NREP: variants seen among roughly 807,000 people sequenced by gnomAD.
NREP encodes the protein neuronal regeneration-related protein.
A neutral mutation model predicts 8.6 loss-of-function variants in NREP; 5 were observed. That is an observed-to-expected ratio of 0.58 (90% CI 0.30 to 1.22). NREP has a LOEUF of 1.22. NREP is among the 50% of genes most tolerant of loss of function. The probability of loss-of-function intolerance (pLI) is 0.07; values close to 1 mark genes in which losing one functional copy is unlikely to be tolerated. For missense variants in NREP, 86 were observed against 82.5 expected (o/e 1.04, Z -0.17); for synonymous variants, 27 against 28.0 (o/e 0.96, Z 0.11).
chr5:111,968,095 A>C (rs2112665340), intron 2 of NREP, among the ~76,000 whole-genome samples: 1 of 152,250 alleles, frequency 6.6e-6, no homozygotes, highest in Non-Finnish European at 1.5e-5. Context: ...TCAAGCAAAA[A>C]CATTTCAATT....
At chr5:111,922,138 T>A (rs1384187370) in intron 2 of NREP, among the ~76,000 whole-genome samples, 2 of 152,144 alleles carry the variant, frequency 1.3e-5, no homozygotes, top group Non-Finnish European at 2.9e-5. Context: ...GTATTTCTTA[T>A]CCATAGTAGG....
chr5:111,748,331 A>G (rs1750136063), intron 2 of NREP, among the ~76,000 whole-genome samples: 1 of 152,156 alleles, frequency 6.6e-6, no homozygotes, highest in Non-Finnish European at 1.5e-5. Flanking sequence ...GTGCCTGTTC[A>G]TTTCATTTCC....
At chr5:111,812,228 G>A (rs559849270) in intron 2 of NREP, among the ~76,000 whole-genome samples, 3 of 152,124 alleles carry the variant, frequency 2.0e-5, no homozygotes, top group South Asian at 2.1e-4. Context: ...TGGAGGTTGC[G>A]GTGAGGGGAG....
chr5:111,891,421 T>C (rs982555724), intron 2 of NREP, among the ~76,000 whole-genome samples: 5 of 152,178 alleles, frequency 3.3e-5, no homozygotes, highest in African/African-American at 1.2e-4. Flanking sequence ...CTGCCTGTCT[T>C]CTTCTGAGTC....
intron 2 of NREP, among the ~76,000 whole-genome samples, chr5:111,852,030 CT>C (rs1753322574): frequency 6.6e-6 from 1 of 152,066 alleles, no homozygotes; most frequent in African/African-American, 2.4e-5. Flanking sequence ...GAGGCGGTGC[CT>C]TTGGGGAAGT....
chr5:111,865,894 C>G (rs1023728649), intron 2 of NREP, among the ~76,000 whole-genome samples: 2 of 152,142 alleles, frequency 1.3e-5, no homozygotes, highest in Non-Finnish European at 2.9e-5. Flanking sequence ...TTGGAGAAGA[C>G]TATAAATATA....
At position 111,968,885 on chromosome 5, in the gene NREP, G is replaced by A. The variant is rs559624282; in HGVS notation, c.135+6389C>T. The stretch of plus-strand genomic sequence containing the variant: ...ATAACCCCTCAGCATGGTTTTCAAG[G>A]CCCTTCACAACCTGCTCATCACCAC... On this transcript the variant is annotated intron_variant, in intron 2 of 3. Transcript: ENST00000395634. 2.0e-5 allele frequency among the ~76,000 whole-genome samples: 3 copies of A among 152,258 alleles called. No individual in the cohort carries two copies. In the East Asian group the frequency reaches 5.8e-4, roughly 29 times the overall value.
At chr5:111,873,255 A>G (rs1233336740) in intron 2 of NREP, among the ~76,000 whole-genome samples, 1 of 152,218 alleles carries the variant, frequency 6.6e-6, no homozygotes, top group Non-Finnish European at 1.5e-5. Context: ...ATCAGAAAGG[A>G]CACAGAGAAG....
chr5:111,826,273 G>T (rs972786236), intron 2 of NREP, among the ~76,000 whole-genome samples: 9 of 152,174 alleles, frequency 5.9e-5, no homozygotes, highest in Non-Finnish European at 1.2e-4. Context: ...TCTGTATAAT[G>T]GACCAATCAG....
chr5:111,929,251 GATATGA>G (rs1471561256), intron 2 of NREP, among the ~76,000 whole-genome samples: 1 of 152,164 alleles, frequency 6.6e-6, no homozygotes, highest in Non-Finnish European at 1.5e-5. Flanking sequence ...ATTGTGATAT[GATATGA>G]ATATTTTATA....
At position 111,888,339 on chromosome 5, in the gene NREP, TG is replaced by T. The variant is rs1554105346; in HGVS notation, c.135+86934del. On this transcript the variant is annotated intron_variant, in intron 2 of 3. Coordinates refer to the NREP transcript ENST00000395634. ...TGACTCACAGTTCCCCATTGCTGGG[TG>T]GCGGGGGGGGTCTCAGGAAACTTAC... Among the ~76,000 whole-genome samples, 683 of 144,806 alleles carry T rather than the reference TG, an allele frequency of 4.7e-3. 6 individuals carry two copies. Among genetic ancestry groups the T allele is most frequent in the Non-Finnish European group, 6.6e-3 (441 of 66,406 alleles). The allele number at this position is 144,806 out of a possible 152,430, so 95.0% of individuals were successfully genotyped here. A position where few individuals can be genotyped will look rare whatever the true frequency, so the allele number is the denominator to read the frequency against.
intron 2 of NREP, among the ~76,000 whole-genome samples, chr5:111,807,310 T>C (rs1752165272): frequency 6.6e-6 from 1 of 152,102 alleles, no homozygotes; most frequent in Non-Finnish European, 1.5e-5. Context: ...TCAAGTCCCA[T>C]CAGGTTATTC....
intron 2 of NREP, among the ~76,000 whole-genome samples, chr5:111,898,282 G>C (rs1420044185): frequency 6.6e-6 from 1 of 152,098 alleles, no homozygotes; most frequent in East Asian, 1.9e-4. Context: ...AGATGAATTG[G>C]AGCAGGATGG....
At chr5:111,900,651 A>G (rs1038804651) in intron 2 of NREP, among the ~76,000 whole-genome samples, 4 of 152,070 alleles carry the variant, frequency 2.6e-5, no homozygotes, top group African/African-American at 9.7e-5. Context: ...TAACAAACTG[A>G]AAAACCTAGA....
chr5:111,881,366 T>A (rs1261721679), intron 2 of NREP, among the ~76,000 whole-genome samples: 1 of 152,188 alleles, frequency 6.6e-6, no homozygotes, highest in Non-Finnish European at 1.5e-5. Context: ...CAAGGAGGCC[T>A]CCCTGCCTCT....
At chr5:111,776,111 T>C (rs890308154) in intron 2 of NREP, among the ~76,000 whole-genome samples, 5 of 152,178 alleles carry the variant, frequency 3.3e-5, no homozygotes, top group African/African-American at 1.2e-4. Flanking sequence ...TATGTACCAG[T>C]TGAAACACTT....
intron 2 of NREP, among the ~76,000 whole-genome samples, chr5:111,790,566 C>T (rs1280649819): frequency 6.6e-6 from 1 of 151,924 alleles, no homozygotes; most frequent in Non-Finnish European, 1.5e-5. Flanking sequence ...TCAGGACCAA[C>T]CTGAGCAGCA....
intron 2 of NREP, among the ~76,000 whole-genome samples, chr5:111,967,640 T>C (rs1179142150): frequency 4.0e-5 from 6 of 151,814 alleles, no homozygotes; most frequent in African/African-American, 1.2e-4. Context: ...GCCCCCGCCC[T>C]GTCTGGGAAG....
At chr5:111,910,588 G>T (rs780583179) in intron 2 of NREP, among the ~76,000 whole-genome samples, 20 of 152,038 alleles carry the variant, frequency 1.3e-4, no homozygotes, top group Non-Finnish European at 2.6e-4. Flanking sequence ...TCTGAAAGGT[G>T]CTAAGGATAA....
Sources: gnomAD v4.1 joint callset for allele counts (sites outside exome capture counted in the v4.1 genomes callset) on GRCh38, gnomAD v4.1.1 for gene constraint, MANE v1.5 for transcripts, NCBI Gene and HGNC (gene_info 2026-07-23, HGNC 2026-07-21) for gene names.